Variants in MACROD2 observed in about 807,000 individuals in gnomAD.
MACROD2 encodes mono-ADP ribosylhydrolase 2, also known as ADP-ribose glycohydrolase MACROD2.
MACROD2 carries 36 observed loss-of-function variants against 70.4 expected under a neutral mutation model. That is an observed-to-expected ratio of 0.51 (90% CI 0.39 to 0.68). The LOEUF (loss-of-function observed/expected upper bound fraction) is 0.68, where lower values mean the gene tolerates loss of function less well. MACROD2 is among the 30% of genes least tolerant of loss of function. The pLI is 0.00. For synonymous variants in MACROD2, 172 were observed against 178.8 expected, an observed-to-expected ratio of 0.96 and a Z score of 0.30; for missense variants, 496 against 538.4, an observed-to-expected ratio of 0.92 and a Z score of 0.78.
intron 3 of MACROD2, among the ~76,000 whole-genome samples, 154 bp downstream of exon 3, chr20:14,085,882 A>AT (rs1300842436): frequency 1.3e-5 from 2 of 152,126 alleles, no homozygotes; most frequent in East Asian, 1.9e-4. Flanking sequence ...TTGGAGATCT[A>AT]TTTTTTTGTA....
At chr20:14,186,614 C>G (rs1282761849) in intron 3 of MACROD2, among the ~76,000 whole-genome samples, 1 of 152,122 alleles carries the variant, frequency 6.6e-6, no homozygotes, top group African/African-American at 2.4e-5. Flanking sequence ...CCAAACGAAA[C>G]TAAATCATTC....
intron 3 of MACROD2, among the ~76,000 whole-genome samples, chr20:14,158,888 T>G (rs2055142977): frequency 6.6e-6 from 1 of 152,216 alleles, no homozygotes; most frequent in African/African-American, 2.4e-5. Flanking sequence ...CTTTGGCTAC[T>G]TGGGCTCTTT....
At chr20:15,876,004 A>T (rs2064662668) in intron 9 of MACROD2, among the ~76,000 whole-genome samples, 1 of 151,372 alleles carries the variant, frequency 6.6e-6, no homozygotes, top group South Asian at 2.1e-4. Context: ...AGTAAAGACA[A>T]AAATAAACAA....
At chr20:15,290,147 G>A (rs924484118) in intron 6 of MACROD2, among the ~76,000 whole-genome samples, 2 of 152,186 alleles carry the variant, frequency 1.3e-5, no homozygotes, top group African/African-American at 4.8e-5. Flanking sequence ...AACATAAAAT[G>A]AGGGTAAGGT....
At chr20:15,031,644 G>C (rs6034086) in intron 5 of MACROD2, among the ~76,000 whole-genome samples, 17,445 of 152,186 alleles carry the variant, frequency 0.11, 2,751 homozygotes, top group African/African-American at 0.36. Flanking sequence ...ATGGATAGTT[G>C]ATTCCCGCAG....
intron 7 of MACROD2, among the ~76,000 whole-genome samples, chr20:15,489,063 T>G (rs973918588): frequency 1.3e-5 from 2 of 152,194 alleles, no homozygotes; most frequent in Non-Finnish European, 2.9e-5. Context: ...TGCAGTTCAT[T>G]TATACCTGTT....
At chr20:15,026,034 C>G (rs1005813617) in intron 5 of MACROD2, among the ~76,000 whole-genome samples, 1 of 152,156 alleles carries the variant, frequency 6.6e-6, no homozygotes, top group Non-Finnish European at 1.5e-5. Context: ...GAGTATGCAA[C>G]TCAAATATTA....
chr20:15,041,585 A>ACACACCCAT (rs1269705148), intron 5 of MACROD2, among the ~76,000 whole-genome samples: 8 of 151,880 alleles, frequency 5.3e-5, no homozygotes, highest in South Asian at 2.1e-4. Context: ...GCATGTACCA[A>ACACACCCAT]CACACCCATC....
At chr20:15,503,107 T>C (rs2047384538) in intron 8 of MACROD2, among the ~76,000 whole-genome samples, 1 of 152,152 alleles carries the variant, frequency 6.6e-6, no homozygotes, top group Non-Finnish European at 1.5e-5. Context: ...ATTAGTAATG[T>C]CTGTTATAAA....
intron 6 of MACROD2, among the ~76,000 whole-genome samples, chr20:15,413,862 A>T (rs61283075): frequency 2.0e-5 from 3 of 152,186 alleles, no homozygotes; most frequent in African/African-American, 7.2e-5. Flanking sequence ...ACAAGAAACG[A>T]TACCTTAGCT....
chr20:14,734,890 G>A (rs2071643928), intron 5 of MACROD2, among the ~76,000 whole-genome samples: 1 of 152,046 alleles, frequency 6.6e-6, no homozygotes, highest in Non-Finnish European at 1.5e-5. Context: ...CATGGACAAA[G>A]AATAATATCT....
chr20:14,462,279 G>A (rs555896765), intron 3 of MACROD2, among the ~76,000 whole-genome samples: 120 of 152,254 alleles, frequency 7.9e-4, no homozygotes, highest in African/African-American at 2.8e-3. Context: ...TTTCTCTGAT[G>A]ACCAGTGATG....
chr20:15,046,781 C>T (rs1175006083), intron 5 of MACROD2, among the ~76,000 whole-genome samples: 11 of 152,190 alleles, frequency 7.2e-5, no homozygotes. Flanking sequence ...TCTGTCTACT[C>T]TTTCCACGCC....
intron 6 of MACROD2, among the ~76,000 whole-genome samples, chr20:15,275,551 A>G (rs928219155): frequency 3.3e-5 from 5 of 152,214 alleles, no homozygotes; most frequent in Admixed American, 3.3e-4. Context: ...TGAAGACTCT[A>G]GATCAAAATG....
At chr20:15,509,601 G>T (rs993601686) in intron 8 of MACROD2, among the ~76,000 whole-genome samples, 1 of 152,152 alleles carries the variant, frequency 6.6e-6, no homozygotes, top group African/African-American at 2.4e-5. Flanking sequence ...CTCCTCTTCC[G>T]TGCAGCAGGA....
At chr20:15,603,701 A>G (rs1173832070) in intron 8 of MACROD2, among the ~76,000 whole-genome samples, 2 of 152,102 alleles carry the variant, frequency 1.3e-5, no homozygotes, top group Admixed American at 1.3e-4. Context: ...ATTGCAGGAA[A>G]AATCACTACA....
At chr20:15,686,490 T>A (rs187906331) in intron 8 of MACROD2, among the ~76,000 whole-genome samples, 1 of 152,260 alleles carries the variant, frequency 6.6e-6, no homozygotes, top group East Asian at 1.9e-4. Context: ...GCCCACTATA[T>A]ATATAAAGCA....
chr20:14,672,618 A>C (rs1200014254), intron 4 of MACROD2, among the ~76,000 whole-genome samples: 1 of 152,234 alleles, frequency 6.6e-6, no homozygotes, highest in Non-Finnish European at 1.5e-5. Context: ...GTATGAGCTA[A>C]GCACTGTACA....
intron 8 of MACROD2, among the ~76,000 whole-genome samples, chr20:15,717,622 G>A (rs1226859995): frequency 6.6e-6 from 1 of 152,230 alleles, no homozygotes; most frequent in African/African-American, 2.4e-5. Context: ...GACATGAGGA[G>A]TGCCTGCCAG....
Sources: gnomAD v4.1 joint callset for allele counts (sites outside exome capture counted in the v4.1 genomes callset) on GRCh38, gnomAD v4.1.1 for gene constraint, MANE v1.5 for transcripts, NCBI Gene and HGNC (gene_info 2026-07-23, HGNC 2026-07-21) for gene names.